Variants in DLC1 observed in about 807,000 individuals in gnomAD.
DLC1 encodes the protein rho GTPase-activating protein 7.
DLC1 carries 54 observed loss-of-function variants against 140.3 expected under a neutral mutation model. The ratio of observed to expected loss-of-function variants is 0.38; its 90% CI spans 0.31 to 0.48. The LOEUF is 0.48. Among genes scored for constraint, DLC1 ranks in the 20% least tolerant of loss-of-function variants. DLC1 has a pLI of 0.96. For synonymous variants in DLC1, 986 were observed against 728.1 expected (o/e 1.35, Z -5.70); for missense variants, 2,536 against 1,907.0 (o/e 1.33, Z -6.14).
At chr8:13,516,056 G>A (rs1470329392), upstream of DLC1, among the ~76,000 whole-genome samples, 3 of 152,162 alleles carry the variant, frequency 2.0e-5, no homozygotes, top group Non-Finnish European at 4.4e-5. Context: ...GCAGGAAACA[G>A]CATCTCTGAC....
intron 5 of DLC1, among the ~76,000 whole-genome samples, chr8:13,144,363 C>G (rs930467594): frequency 6.6e-6 from 1 of 152,190 alleles, no homozygotes; most frequent in Non-Finnish European, 1.5e-5. Flanking sequence ...TTCTGAGGTT[C>G]TGGACTTGAA....
At chr8:13,247,049 A>AC (rs928198528) in intron 5 of DLC1, among the ~76,000 whole-genome samples, 2 of 152,172 alleles carry the variant, frequency 1.3e-5, no homozygotes, top group African/African-American at 4.8e-5. Context: ...TGTGCTCTCA[A>AC]CCACATTGTA....
At chr8:13,222,597 G>C (rs1394256047) in intron 5 of DLC1, among the ~76,000 whole-genome samples, 2 of 152,126 alleles carry the variant, frequency 1.3e-5, no homozygotes, top group Admixed American at 6.5e-5. Flanking sequence ...GGTGATTCCA[G>C]CACTCTTGCT....
rs1226164557 is a variant in DLC1 at position 13,085,476 on chromosome 8, T to C, written c.*335A>G. On this transcript the variant is annotated 3_prime_UTR_variant, in exon 18 of 18. Transcript: ENST00000276297. Reference sequence around the variant, plus strand: ...GCAAATAAAGCGACACAGGTACGCATACACTGATATCACAAGAGAATGAAG... The same window carrying C: ...GCAAATAAAGCGACACAGGTACGCACACACTGATATCACAAGAGAATGAAG... 1 of 205,222 alleles carries C rather than the reference T, an allele frequency of 4.9e-6. No individual in the cohort carries two copies. The highest frequency in any genetic ancestry group is 1.0e-5 in the Non-Finnish European group (1 of 100,042). The allele number at this position is 205,222 out of a possible 1,614,324, so 12.7% of individuals were successfully genotyped here. A position where few individuals can be genotyped will look rare whatever the true frequency, so the allele number is the denominator to read the frequency against.
intron 1 of DLC1, among the ~76,000 whole-genome samples, chr8:13,579,357 A>ATT (rs1272877895): frequency 1.5e-4 from 4 of 27,566 alleles, no homozygotes; most frequent in East Asian, 3.4e-3. Context: ...ATATATATAT[A>ATT]TATATTTTTA....
chr8:13,399,714 T>G (rs1837213444), intron 3 of DLC1, among the ~76,000 whole-genome samples: 1 of 152,204 alleles, frequency 6.6e-6, no homozygotes. Context: ...TGCAGCCTCC[T>G]TAAACCTTTA....
intron 1 of DLC1, chr8:13,568,191 G>C (rs983767261): frequency 2.4e-5 from 10 of 418,786 alleles, no homozygotes; most frequent in Admixed American, 1.2e-4. Context: ...CAGAAGCAAA[G>C]TAGTATGGGG....
chr8:13,110,697 T>A (rs1820018019), intron 7 of DLC1, 45 bp downstream of exon 7: 1 of 1,557,388 alleles, frequency 6.4e-7, no homozygotes, highest in African/African-American at 1.4e-5. Context: ...AGTACTGTGT[T>A]CTTAAAAAAT....
intron 5 of DLC1, chr8:13,214,842 A>G (rs1278730868): frequency 6.6e-6 from 5 of 757,052 alleles, no homozygotes; most frequent in East Asian, 2.4e-5. Context: ...GTGGCAATCA[A>G]TGAGTGGCAA....
intron 5 of DLC1, among the ~76,000 whole-genome samples, chr8:13,139,685 G>T (rs1353246756): frequency 6.6e-6 from 1 of 152,178 alleles, no homozygotes; most frequent in South Asian, 2.1e-4. Context: ...TCAGCTCAAG[G>T]CCTCCCTGCC....
At chr8:13,242,766 T>C (rs1416172701) in intron 5 of DLC1, among the ~76,000 whole-genome samples, 1 of 152,140 alleles carries the variant, frequency 6.6e-6, no homozygotes, top group African/African-American at 2.4e-5. Context: ...ATTCAATGTG[T>C]GTGTAAATCA....
intron 2 of DLC1, among the ~76,000 whole-genome samples, chr8:13,426,780 T>A (rs191729005): frequency 1.3e-3 from 177 of 136,278 alleles, no homozygotes; most frequent in African/African-American, 4.0e-3. Context: ...CTCGTTCTTA[T>A]ATATATATTT....
At chr8:13,118,097 C>A (rs542973424) in intron 5 of DLC1, among the ~76,000 whole-genome samples, 3 of 149,434 alleles carry the variant, frequency 2.0e-5, no homozygotes. Flanking sequence ...GCAGCATCGA[C>A]CTTCCGGGCT....
At chr8:13,506,595 A>ATATATACACG (rs1802088959) in intron 1 of DLC1, among the ~76,000 whole-genome samples, 2 of 129,812 alleles carry the variant, frequency 1.5e-5, no homozygotes, top group Non-Finnish European at 3.1e-5. Flanking sequence ...ATATATATAT[A>ATATATACACG]TATATATATA....
chr8:13,300,572 T>C (rs1020597314), intron 5 of DLC1, among the ~76,000 whole-genome samples: 4 of 152,048 alleles, frequency 2.6e-5, no homozygotes, highest in African/African-American at 9.7e-5. Context: ...AGGAGGGAAG[T>C]CCTTTGATTT....
chr8:13,535,971 A>G (rs1049686854), intron 1 of DLC1: 3 of 152,124 alleles, frequency 2.0e-5, no homozygotes, highest in Non-Finnish European at 4.4e-5. Context: ...TCAGGATGCT[A>G]TGTCTGTATT....
chr8:13,188,797 G>GTGTGTATATATATATATATATATATATA (rs1563149452), intron 5 of DLC1, among the ~76,000 whole-genome samples: 2 of 79,938 alleles, frequency 2.5e-5, no homozygotes, highest in Non-Finnish European at 2.4e-5. Context: ...GTGTGTGTGT[G>GTGTGTATATATATATATATATATATATA]TGTGTATATA....
intron 7 of DLC1, among the ~76,000 whole-genome samples, chr8:13,104,639 TGA>T (rs1167376263): frequency 2.6e-5 from 4 of 152,218 alleles, no homozygotes. Context: ...CTGGGAACCG[TGA>T]GACCTCCTCA....
At chr8:13,291,226 T>C (rs1456961016) in intron 5 of DLC1, among the ~76,000 whole-genome samples, 1 of 152,158 alleles carries the variant, frequency 6.6e-6, no homozygotes. Context: ...GACATATCTT[T>C]AGTTGGGTGA....
Sources: gnomAD v4.1 joint callset for allele counts (sites outside exome capture counted in the v4.1 genomes callset) on GRCh38, gnomAD v4.1.1 for gene constraint, MANE v1.5 for transcripts, NCBI Gene and HGNC (gene_info 2026-07-23, HGNC 2026-07-21) for gene names.